FSTL4: variants seen among roughly 807,000 people sequenced by gnomAD.
FSTL4 encodes follistatin like 4.
A neutral mutation model predicts 78.2 loss-of-function variants in FSTL4; 28 were observed. The observed-to-expected ratio is 0.36, with a 90% CI of 0.27 to 0.49. The LOEUF (loss-of-function observed/expected upper bound fraction) is 0.49, where lower values mean the gene tolerates loss of function less well. FSTL4 is among the 20% of genes least tolerant of loss of function. FSTL4 has a pLI of 0.98. For missense variants in FSTL4, 922 were observed against 1,084.9 expected, an observed-to-expected ratio of 0.85 and a Z score of 2.11; for synonymous variants, 422 against 440.5, an observed-to-expected ratio of 0.96 and a Z score of 0.53.
At chr5:133,782,989 C>A in the FSTL4 span, among the ~76,000 whole-genome samples, 1 of 152,316 alleles carries the variant, frequency 6.6e-6, no homozygotes, top group South Asian at 2.1e-4. Context: ...TGTAGGCATT[C>A]CAATGATTGC....
intron 2 of FSTL4, among the ~76,000 whole-genome samples, chr5:133,592,015 C>A (rs17166855): frequency 1.3e-5 from 2 of 152,128 alleles, no homozygotes; most frequent in Non-Finnish European, 2.9e-5. Context: ...CAATCTGTTC[C>A]GTTTTCCCCT....
chr5:133,810,480 C>A, the FSTL4 span, among the ~76,000 whole-genome samples: 2 of 152,100 alleles, frequency 1.3e-5, no homozygotes, highest in Non-Finnish European at 2.9e-5. Flanking sequence ...TTGTCTCATG[C>A]CAAGAAAATT....
At chr5:133,321,134 T>C (rs1194655661) in intron 4 of FSTL4, among the ~76,000 whole-genome samples, 1 of 151,866 alleles carries the variant, frequency 6.6e-6, no homozygotes, top group African/African-American at 2.4e-5. Flanking sequence ...CACAGGTGAC[T>C]ACAAGAGAGG....
At chr5:133,688,856 G>T in the FSTL4 span, among the ~76,000 whole-genome samples, 13 of 152,192 alleles carry the variant, frequency 8.5e-5, no homozygotes, top group African/African-American at 3.1e-4. Flanking sequence ...GGCCAGGGAT[G>T]TCATCTGCTG....
At chr5:133,743,738 A>G in the FSTL4 span, among the ~76,000 whole-genome samples, 9 of 152,204 alleles carry the variant, frequency 5.9e-5, no homozygotes, top group Admixed American at 5.2e-4. Context: ...AAACTCAGCC[A>G]TGTCTTTTTT....
chr5:133,451,733 T>A (rs892385071), intron 3 of FSTL4, among the ~76,000 whole-genome samples: 1 of 152,112 alleles, frequency 6.6e-6, no homozygotes, highest in Admixed American at 6.5e-5. Flanking sequence ...GATGAGAAAC[T>A]GAGGCCTGGG....
At chr5:133,249,666 G>A in intron 6 of FSTL4, 90 bp from the exon 7 acceptor site, 1 of 1,012,976 alleles carries the variant, frequency 9.9e-7, no homozygotes, top group Non-Finnish European at 1.5e-6. Flanking sequence ...TTCCTGGGTG[G>A]AAGAGGCCCA....
chr5:133,423,757 G>C (rs538999055), intron 3 of FSTL4, among the ~76,000 whole-genome samples: 1 of 152,300 alleles, frequency 6.6e-6, no homozygotes, highest in Admixed American at 6.5e-5. Context: ...CTCTGAGAAT[G>C]AGTACAGACA....
intron 6 of FSTL4, among the ~76,000 whole-genome samples, chr5:133,286,227 T>C (rs1408198496): frequency 6.6e-6 from 1 of 152,246 alleles, no homozygotes; most frequent in East Asian, 1.9e-4. Flanking sequence ...CAGTTTCCTC[T>C]TCTTTAAAAT....
chr5:133,554,048 C>A (rs1447078267), intron 3 of FSTL4, among the ~76,000 whole-genome samples: 1 of 152,212 alleles, frequency 6.6e-6, no homozygotes, highest in Non-Finnish European at 1.5e-5. Flanking sequence ...CTCATCTATA[C>A]AAATAAGGGG....
At chr5:133,674,237 G>T in the FSTL4 span, among the ~76,000 whole-genome samples, 1 of 152,092 alleles carries the variant, frequency 6.6e-6, no homozygotes, top group Admixed American at 6.6e-5. Flanking sequence ...GGTGCTGAAG[G>T]CTGTTCTGCC....
intron 3 of FSTL4, among the ~76,000 whole-genome samples, chr5:133,403,701 A>G (rs1367281710): frequency 6.6e-6 from 1 of 152,132 alleles, no homozygotes; most frequent in African/African-American, 2.4e-5. Flanking sequence ...GGGAAGATGG[A>G]TGTCCGTGGA....
chr5:133,492,726 T>C (rs774527803), intron 3 of FSTL4, among the ~76,000 whole-genome samples: 15 of 152,158 alleles, frequency 9.9e-5, no homozygotes, highest in Non-Finnish European at 2.2e-4. Context: ...AAAAAAATTT[T>C]GGAAAAGGTC....
At chr5:133,505,744 G>A (rs142192439) in intron 3 of FSTL4, among the ~76,000 whole-genome samples, 4 of 152,308 alleles carry the variant, frequency 2.6e-5, no homozygotes, top group Non-Finnish European at 2.9e-5. Flanking sequence ...TATCACCTAC[G>A]TGATAAATTA....
At chr5:133,673,665 A>G in the FSTL4 span, among the ~76,000 whole-genome samples, 2 of 152,228 alleles carry the variant, frequency 1.3e-5, no homozygotes, top group African/African-American at 4.8e-5. Flanking sequence ...CTTTAATTCT[A>G]TGCAAATCAA....
the FSTL4 span, among the ~76,000 whole-genome samples, chr5:133,757,676 G>A: frequency 3.3e-5 from 5 of 152,322 alleles, no homozygotes; most frequent in African/African-American, 4.8e-5. Context: ...GGAGTGAGTA[G>A]AAGGAGCTGG....
chr5:133,295,130 C>T (rs1338947088), intron 6 of FSTL4, among the ~76,000 whole-genome samples: 2 of 152,188 alleles, frequency 1.3e-5, no homozygotes, highest in South Asian at 2.1e-4. Flanking sequence ...CCTTCTTCTC[C>T]CTCCTCAGAC....
the FSTL4 span, among the ~76,000 whole-genome samples, chr5:133,791,523 T>C: frequency 6.6e-6 from 1 of 152,210 alleles, no homozygotes; most frequent in South Asian, 2.1e-4. Context: ...CAGTAAACGT[T>C]TGTTGAACTA....
the FSTL4 span, among the ~76,000 whole-genome samples, chr5:133,768,135 G>A: frequency 4.7e-4 from 71 of 152,256 alleles, no homozygotes; most frequent in African/African-American, 1.5e-3. Context: ...TTTCCTACAC[G>A]AAGGTATTCC....
Sources: gnomAD v4.1 joint callset for allele counts (sites outside exome capture counted in the v4.1 genomes callset) on GRCh38, gnomAD v4.1.1 for gene constraint, MANE v1.5 for transcripts, NCBI Gene and HGNC (gene_info 2026-07-23, HGNC 2026-07-21) for gene names.